The following FMN2 variants were observed in gnomAD, a reference collection of about 807,000 sequenced individuals.
FMN2 encodes the protein formin 2, also known as formin-2.
A neutral mutation model predicts 142.3 loss-of-function variants in FMN2; 51 were observed. That is an observed-to-expected ratio of 0.36 (90% confidence interval 0.29 to 0.45). FMN2 has a LOEUF of 0.45. Among genes scored for constraint, FMN2 ranks in the 20% least tolerant of loss-of-function variants. The probability of loss-of-function intolerance (pLI) is 1.00; values close to 1 mark genes in which losing one functional copy is unlikely to be tolerated. For missense variants in FMN2, 1,936 were observed against 2,122.8 expected, an observed-to-expected ratio of 0.91 and a Z score of 1.73; for synonymous variants, 882 against 869.8, an observed-to-expected ratio of 1.01 and a Z score of -0.25.
Position 240,208,483 on chromosome 1 carries a change from C to G in FMN2, c.3671C>G (p.Pro1224Arg), listed in dbSNP as rs759257300. The G allele has an allele frequency of 2.5e-6, 4 of 1,611,274 alleles. No homozygotes were observed. The highest frequency in any genetic ancestry group is 1.1e-5 in the South Asian group (1 of 90,774). Residue 1224 changes from proline (P) to arginine (R), a missense_variant, in exon 5 of 18, where the codon CCA (proline) becomes CGA (arginine). By Grantham distance (103) the Pro-to-Arg change is moderately radical (BLOSUM62 -2). Transcript: ENST00000319653. Reference protein sequence around the residue: ...GMGIPPAPAPPLPPPGTGIPP... With the variant: ...GMGIPPAPAPRLPPPGTGIPP... ...GGGATTCCACCTGCTCCAGCTCCCC[C>G]ACTCCCTCCACCTGGGACAGGAATC...
rs574040879 is a variant in FMN2, at chr1:240,143,866, C to T, written c.1782+20521C>T. On this transcript the variant is annotated intron_variant, in intron 2 of 17. Transcript: ENST00000319653. ...CCATGCTGGACTTTGAATCTCCCAT[C>T]ACAGGCAGCAGCAGTGTTAGGACAT... 1.6e-4 allele frequency: 252 copies of T among 1,586,390 alleles called. 3 individuals carry two copies. The African/African-American group carries it at 3.1e-3, about 20-fold the overall frequency.
At chr1:240,401,713 C>G (rs1447987742) in intron 15 of FMN2, among the ~76,000 whole-genome samples, 1 of 152,184 alleles carries the variant, frequency 6.6e-6, no homozygotes, top group East Asian at 1.9e-4. Flanking sequence ...AATAACTGAA[C>G]AGCCTTTTCT....
chr1:240,451,832 T>A (rs1676058102), intron 16 of FMN2, among the ~76,000 whole-genome samples: 1 of 151,736 alleles, frequency 6.6e-6, no homozygotes, highest in Non-Finnish European at 1.5e-5. Flanking sequence ...TGATTTAGTA[T>A]TTTGCTTTGT....
intron 1 of FMN2, among the ~76,000 whole-genome samples, chr1:240,095,867 G>A (rs145153972): frequency 6.6e-6 from 1 of 152,086 alleles, no homozygotes; most frequent in Non-Finnish European, 1.5e-5. Context: ...ACCTCTCCAG[G>A]TGATTTGTTT....
intron 8 of FMN2, among the ~76,000 whole-genome samples, chr1:240,325,616 G>A (rs1030730063): frequency 3.9e-5 from 6 of 152,124 alleles, no homozygotes; most frequent in Non-Finnish European, 8.8e-5. Flanking sequence ...ACTGAGTGGT[G>A]AAAAATTTGA....
intron 2 of FMN2, among the ~76,000 whole-genome samples, chr1:240,124,912 C>A (rs933323516): frequency 6.6e-6 from 1 of 152,126 alleles, no homozygotes; most frequent in Non-Finnish European, 1.5e-5. Context: ...GTGATCCACC[C>A]GCCCCGGCCT....
chr1:240,148,981 T>A (rs76484456), intron 2 of FMN2, among the ~76,000 whole-genome samples: 23,608 of 120,184 alleles, frequency 0.2, 3,280 homozygotes, highest in African/African-American at 0.42. Flanking sequence ...CAAAAAAAAA[T>A]AAATAAATAA....
At chr1:240,303,040 TAA>T (rs10711831) in intron 8 of FMN2, among the ~76,000 whole-genome samples, 72 of 148,682 alleles carry the variant, frequency 4.8e-4, no homozygotes, top group African/African-American at 9.8e-4. Flanking sequence ...TCTCTATGAC[TAA>T]AAAAAAAAAA....
chr1:240,193,319 G>A (rs1665785962), intron 4 of FMN2, among the ~76,000 whole-genome samples: 1 of 152,116 alleles, frequency 6.6e-6, no homozygotes, highest in African/African-American at 2.4e-5. Flanking sequence ...AGAATTATAA[G>A]ACAAAATCTT....
At chr1:240,329,292 T>C (rs758631537) in intron 9 of FMN2, 47 bp from the exon 10 acceptor site, 2 of 1,602,898 alleles carry the variant, frequency 1.2e-6, no homozygotes, top group Non-Finnish European at 8.5e-7. Context: ...TAAACATCTG[T>C]TTATGTGAAT....
intron 2 of FMN2, among the ~76,000 whole-genome samples, chr1:240,172,810 A>G (rs1206352339): frequency 6.6e-6 from 1 of 152,134 alleles, no homozygotes; most frequent in East Asian, 1.9e-4. Flanking sequence ...TCCTTGGTAA[A>G]CAAATGAAGA....
intron 8 of FMN2, among the ~76,000 whole-genome samples, chr1:240,325,495 A>G (rs1671142255): frequency 6.6e-6 from 1 of 152,176 alleles, no homozygotes; most frequent in East Asian, 1.9e-4. Context: ...AAACACACAC[A>G]TACAGATTTG....
chr1:240,463,778 G>T (rs1265670802), intron 16 of FMN2, among the ~76,000 whole-genome samples: 1 of 152,102 alleles, frequency 6.6e-6, no homozygotes, highest in Non-Finnish European at 1.5e-5. Context: ...TGAGGTGGGT[G>T]GATCATCTGA....
At chr1:240,420,189 T>A (rs187455701) in intron 15 of FMN2, among the ~76,000 whole-genome samples, 10 of 152,310 alleles carry the variant, frequency 6.6e-5, no homozygotes, top group Non-Finnish European at 1.3e-4. Context: ...TGATGCATTC[T>A]TTATGGCCTC....
chr1:240,117,801 A>C (rs1476107645), intron 1 of FMN2, among the ~76,000 whole-genome samples: 1 of 152,244 alleles, frequency 6.6e-6, no homozygotes, highest in Non-Finnish European at 1.5e-5. Flanking sequence ...GGTCCTGAGT[A>C]GAAGGTGGTA....
intron 4 of FMN2, among the ~76,000 whole-genome samples, chr1:240,203,635 C>A (rs538894393): frequency 2.8e-4 from 43 of 152,158 alleles, no homozygotes; most frequent in African/African-American, 1.0e-3. Context: ...AGGTGGGGAA[C>A]AAGGCACACT....
intron 1 of FMN2, among the ~76,000 whole-genome samples, chr1:240,118,936 G>A (rs368170750): frequency 5.3e-5 from 8 of 152,282 alleles, no homozygotes; most frequent in East Asian, 3.9e-4. Context: ...TTTCAGAAAA[G>A]CTCATGGTTT....
chr1:240,228,003 C>CT (rs1270057311), intron 6 of FMN2, among the ~76,000 whole-genome samples: 1 of 151,860 alleles, frequency 6.6e-6, no homozygotes, highest in Non-Finnish European at 1.5e-5. Context: ...TTAAAAAAAT[C>CT]TAATTTCAAA....
intron 16 of FMN2, chr1:240,459,146 A>T (rs1416386523): frequency 6.6e-6 from 1 of 152,194 alleles, no homozygotes; most frequent in Non-Finnish European, 1.5e-5. Context: ...TGAGCATTGA[A>T]AAAAGCTCTT....
Sources: gnomAD v4.1 joint callset for allele counts (sites outside exome capture counted in the v4.1 genomes callset) on GRCh38, gnomAD v4.1.1 for gene constraint, MANE v1.5 for transcripts, NCBI Gene and HGNC (gene_info 2026-07-23, HGNC 2026-07-21) for gene names.